Variants in RALGPS2 observed in about 807,000 individuals in gnomAD.
RALGPS2 encodes ras-specific guanine nucleotide-releasing factor RalGPS2.
Under a neutral mutation model 86.8 loss-of-function variants are expected in RALGPS2, and 43 were observed. That is an observed-to-expected ratio of 0.50 (90% CI 0.39 to 0.64). The LOEUF is 0.64. Among genes scored for constraint, RALGPS2 ranks in the 30% least tolerant of loss-of-function variants. The probability of loss-of-function intolerance (pLI) is 0.00; values close to 1 mark genes in which losing one functional copy is unlikely to be tolerated. For synonymous variants in RALGPS2, 243 were observed against 231.3 expected (o/e 1.05, Z -0.46); for missense variants, 536 against 694.6 (o/e 0.77, Z 2.57).
chr1:178,769,520 A>G (rs890238412), intron 1 of RALGPS2, among the ~76,000 whole-genome samples: 2 of 152,100 alleles, frequency 1.3e-5, no homozygotes, highest in Non-Finnish European at 2.9e-5. Context: ...ATCAATGTCC[A>G]TGAAGGGTAG....
chr1:178,849,008 A>G (rs1271519378), intron 8 of RALGPS2, among the ~76,000 whole-genome samples: 1 of 152,236 alleles, frequency 6.6e-6, no homozygotes, highest in African/African-American at 2.4e-5. Context: ...GAAAGTACGT[A>G]GATGAGTAGT....
At chr1:178,862,696 A>G (rs974623276) in intron 8 of RALGPS2, among the ~76,000 whole-genome samples, 12 of 152,100 alleles carry the variant, frequency 7.9e-5, no homozygotes, top group Non-Finnish European at 1.8e-4. Context: ...GCATGAAAAT[A>G]TTTAGGGGAA....
intron 8 of RALGPS2, among the ~76,000 whole-genome samples, chr1:178,856,921 G>A (rs1383666577): frequency 6.6e-6 from 1 of 151,980 alleles, no homozygotes; most frequent in Non-Finnish European, 1.5e-5. Context: ...AGTTACCTGT[G>A]GCACAAAACA....
At chr1:178,878,211 G>A (rs1049501511) in intron 9 of RALGPS2, among the ~76,000 whole-genome samples, 1 of 151,798 alleles carries the variant, frequency 6.6e-6, no homozygotes, top group Non-Finnish European at 1.5e-5. Context: ...AAGCCCAAAT[G>A]ATGAGAAAAG....
At position 178,779,401 on chromosome 1, in the gene RALGPS2, A is replaced by G. The variant is rs150399711; in HGVS notation, c.57+2580A>G. Among the ~76,000 whole-genome samples the G allele has an allele frequency of 3.0e-3, 452 of 152,194 alleles. 1 individual carries two copies. Among genetic ancestry groups the G allele is most frequent in the Middle Eastern group, 0.02 (6 of 294 alleles). On this transcript the variant is annotated intron_variant, in intron 2 of 19. Coordinates refer to ENST00000367635, the MANE Select transcript of RALGPS2 (RefSeq NM_152663.5). ...ATGAGAATAATGTTTATGACCCTTT[A>G]ACACCTTGACCTCAAAGTTCCTTAA...
At chr1:178,732,081 G>C (rs1483453783) in intron 1 of RALGPS2, among the ~76,000 whole-genome samples, 1 of 151,866 alleles carries the variant, frequency 6.6e-6, no homozygotes, top group Non-Finnish European at 1.5e-5. Context: ...TCTCATGAGT[G>C]TTTCAATTTA....
chr1:178,846,791 A>T (rs918718905), intron 8 of RALGPS2, among the ~76,000 whole-genome samples: 3 of 152,226 alleles, frequency 2.0e-5, no homozygotes, highest in African/African-American at 7.2e-5. Flanking sequence ...TGAATATTTC[A>T]GTGATTTGTT....
At chr1:178,835,765 C>T (rs572824509) in intron 8 of RALGPS2, among the ~76,000 whole-genome samples, 1 of 152,280 alleles carries the variant, frequency 6.6e-6, no homozygotes, top group South Asian at 2.1e-4. Flanking sequence ...AGACCTGGCT[C>T]ATAGTCCTAA....
intron 6 of RALGPS2, among the ~76,000 whole-genome samples, chr1:178,817,010 A>G (rs961859076): frequency 6.6e-6 from 1 of 151,948 alleles, no homozygotes; most frequent in Admixed American, 6.6e-5. Flanking sequence ...ACCCAGCCAA[A>G]TTAATTTTTG....
intron 1 of RALGPS2, chr1:178,746,923 T>G (rs777818816): frequency 4.8e-5 from 52 of 1,094,298 alleles, no homozygotes; most frequent in Non-Finnish European, 7.1e-5. Context: ...TTTCAGTCAT[T>G]ATTTTGTTTG....
rs71743989 is a variant in RALGPS2 at position 178,815,752 on chromosome 1, AAAC to A, written c.387+4353_387+4355del. Among the ~76,000 whole-genome samples the A allele has an allele frequency of 8.9e-3, 1,358 of 152,230 alleles. 21 individuals carry two copies. Among genetic ancestry groups the A allele is most frequent in the African/African-American group, 0.031 (1,298 of 41,524 alleles). On this transcript the variant is annotated intron_variant, in intron 6 of 19. Transcript: ENST00000367635. Reference sequence around the variant, plus strand: ...ACAAAGTTCCTTCAAGCATTTTCCCAAACAACATTTCCTCCATATTGCCCTGCC... The same window carrying A: ...ACAAAGTTCCTTCAAGCATTTTCCCAAACATTTCCTCCATATTGCCCTGCC...
intron 8 of RALGPS2, chr1:178,865,602 T>C: frequency 6.2e-7 from 1 of 1,614,056 alleles, no homozygotes; most frequent in Middle Eastern, 1.6e-4. Flanking sequence ...CCTGTTATTC[T>C]TTGTTCAGGT....
At chr1:178,856,437 G>C (rs1453488074) in intron 8 of RALGPS2, among the ~76,000 whole-genome samples, 1 of 77,370 alleles carries the variant, frequency 1.3e-5, no homozygotes, top group Admixed American at 1.4e-4. Flanking sequence ...GAGAGATGAG[G>C]TCTTGGTACA....
intron 8 of RALGPS2, among the ~76,000 whole-genome samples, chr1:178,871,426 G>C (rs995206409): frequency 6.6e-6 from 1 of 152,018 alleles, no homozygotes; most frequent in Non-Finnish European, 1.5e-5. Context: ...TTTGGTTTTT[G>C]TTAACAAAGA....
At chr1:178,794,110 TC>T (rs2102151999) in intron 4 of RALGPS2, among the ~76,000 whole-genome samples, 1 of 152,280 alleles carries the variant, frequency 6.6e-6, no homozygotes, top group Admixed American at 6.5e-5. Flanking sequence ...CCCTTCCCTT[TC>T]CCTTCTTTCC....
chr1:178,820,862 AT>A (rs1655464792), intron 6 of RALGPS2, among the ~76,000 whole-genome samples: 2 of 152,128 alleles, frequency 1.3e-5, no homozygotes, highest in South Asian at 4.1e-4. Context: ...TAAATGCTGT[AT>A]CCACAGCATT....
intron 17 of RALGPS2, among the ~76,000 whole-genome samples, chr1:178,898,416 A>G (rs981618037): frequency 6.6e-6 from 1 of 152,000 alleles, no homozygotes; most frequent in African/African-American, 2.4e-5. Flanking sequence ...TCCTTTTTCT[A>G]CTTAAAACTT....
At chr1:178,776,940 C>T (rs1190927436) in intron 2 of RALGPS2, 119 bp downstream of exon 2, 14 of 726,582 alleles carry the variant, frequency 1.9e-5, no homozygotes, top group South Asian at 6.4e-5. Context: ...TACACATTTC[C>T]TTTTTTTTTA....
intron 1 of RALGPS2, among the ~76,000 whole-genome samples, chr1:178,773,809 AT>A (rs1475403201): frequency 6.6e-6 from 1 of 152,078 alleles, no homozygotes; most frequent in Non-Finnish European, 1.5e-5. Flanking sequence ...AAAAAAAAAA[AT>A]ACTATTGACA....
Sources: allele counts gnomAD v4.1 joint callset (sites outside exome capture counted in the v4.1 genomes callset), GRCh38; gene constraint gnomAD v4.1.1; transcripts MANE v1.5; gene names NCBI Gene and HGNC (gene_info 2026-07-23, HGNC 2026-07-21).